The following PCDH11X variants were observed in gnomAD, a reference collection of about 807,000 sequenced individuals.
PCDH11X encodes the protein protocadherin-11 X-linked.
In PCDH11X, 18 loss-of-function variants were observed where a neutral mutation model predicts 53.3. The ratio of observed to expected loss-of-function variants is 0.34; its 90% CI spans 0.23 to 0.50. The LOEUF is 0.50. Among genes scored for constraint, PCDH11X ranks in the 20% least tolerant of loss-of-function variants. PCDH11X has a pLI of 0.98. For synonymous variants in PCDH11X, 279 were observed against 393.3 expected, an observed-to-expected ratio of 0.71 and a Z score of 3.44; for missense variants, 570 against 1,032.4, an observed-to-expected ratio of 0.55 and a Z score of 6.14.
At chrX:92,351,555 AATTAT>A (rs2148526906) in intron 8 of PCDH11X, among the ~76,000 whole-genome samples, 1 of 111,661 alleles carries the variant, frequency 9.0e-6, no homozygotes, top group South Asian at 3.7e-4. Flanking sequence ...GTGTAATAAT[AATTAT>A]ATTATCTTTA....
intron 6 of PCDH11X, among the ~76,000 whole-genome samples, chrX:92,075,288 G>T (rs1354660763): frequency 3.6e-5 from 4 of 110,963 alleles, no homozygotes; most frequent in Non-Finnish European, 5.7e-5. Flanking sequence ...AAGCTCATCT[G>T]AGGCTCTTGA....
At chrX:92,375,327 C>G (rs1483753483) in intron 8 of PCDH11X, among the ~76,000 whole-genome samples, 2 of 97,911 alleles carry the variant, frequency 2.0e-5, no homozygotes, top group East Asian at 3.2e-4. Flanking sequence ...AGGTACCCAC[C>G]ACCAAGCCTG....
intron 6 of PCDH11X, among the ~76,000 whole-genome samples, chrX:92,049,243 G>T (rs1216574458): frequency 9.0e-6 from 1 of 111,503 alleles, no homozygotes; most frequent in Non-Finnish European, 1.9e-5. Context: ...TCCCACAAGA[G>T]ACATTGCAGG....
intron 5 of PCDH11X, among the ~76,000 whole-genome samples, chrX:91,869,103 A>T (rs942014638): frequency 9.0e-6 from 1 of 111,168 alleles, no homozygotes; most frequent in Non-Finnish European, 1.9e-5. Flanking sequence ...TACTCTTAAA[A>T]TTTTAGATGG....
At chrX:91,916,254 T>A (rs1331772493) in intron 6 of PCDH11X, among the ~76,000 whole-genome samples, 1 of 109,976 alleles carries the variant, frequency 9.1e-6, no homozygotes, top group East Asian at 2.9e-4. Context: ...CGATCTAAGG[T>A]TGCACCTCAA....
At chrX:92,503,442 A>C (rs1215877567) in intron 10 of PCDH11X, among the ~76,000 whole-genome samples, 1 of 108,878 alleles carries the variant, frequency 9.2e-6, no homozygotes, top group Admixed American at 9.8e-5. Context: ...TCATTGAAGC[A>C]CTATTTGCAA....
chrX:92,264,880 A>T (rs867371796), intron 8 of PCDH11X, among the ~76,000 whole-genome samples: 5 of 87,758 alleles, frequency 5.7e-5, no homozygotes, highest in South Asian at 6.4e-4. Context: ...GTGAAGGACA[A>T]TTTTTTTTTT....
At chrX:92,273,870 A>C (rs1485105331) in intron 8 of PCDH11X, among the ~76,000 whole-genome samples, 1 of 111,035 alleles carries the variant, frequency 9.0e-6, no homozygotes, top group Non-Finnish European at 1.9e-5. Flanking sequence ...AGAGTGCCTA[A>C]GGAGATTCAG....
At chrX:92,410,987 C>T (rs372683515) in intron 9 of PCDH11X, among the ~76,000 whole-genome samples, 8 of 110,091 alleles carry the variant, frequency 7.3e-5, no homozygotes, top group African/African-American at 2.7e-4. Context: ...GAGAAAAAGG[C>T]TTAATTTAAT....
At position 91,978,159 on chromosome X, in the gene PCDH11X, T is replaced by C. The variant is rs2525319; in HGVS notation, c.3033+98886T>C. ...CTTCTTTTCCACTTTTTGTTAACAT[T>C]CTGCCTCCACAACATACACCAAGAG... On this transcript the variant is annotated intron_variant, in intron 6 of 10. Transcript: ENST00000682573. 6.8e-3 allele frequency among the ~76,000 whole-genome samples: 755 copies of C among 111,223 alleles called. 5 individuals are homozygous for C. Among genetic ancestry groups the C allele is most frequent in the African/African-American group, 0.023 (715 of 30,543 alleles).
At chrX:91,951,526 G>A (rs75977198) in intron 6 of PCDH11X, among the ~76,000 whole-genome samples, 18,600 of 98,068 alleles carry the variant, frequency 0.19, 2,108 homozygotes, top group Admixed American at 0.47. Flanking sequence ...GCCATTCTGT[G>A]TATTAAATTT....
At chrX:92,205,704 G>A (rs1403977144) in intron 7 of PCDH11X, among the ~76,000 whole-genome samples, 1 of 106,126 alleles carries the variant, frequency 9.4e-6, no homozygotes, top group Non-Finnish European at 1.9e-5. Flanking sequence ...ATGTTCAAGC[G>A]ATTCTCCTGC....
intron 6 of PCDH11X, among the ~76,000 whole-genome samples, chrX:92,047,699 C>G (rs1480661861): frequency 9.1e-6 from 1 of 109,438 alleles, no homozygotes; most frequent in African/African-American, 3.3e-5. Flanking sequence ...TCCCCATCTT[C>G]TCATCTTTCA....
At chrX:92,122,525 C>T (rs2064789326) in intron 6 of PCDH11X, among the ~76,000 whole-genome samples, 1 of 111,217 alleles carries the variant, frequency 9.0e-6, no homozygotes, top group Admixed American at 9.7e-5. Context: ...CTAGAAATTC[C>T]TCTACAAAGA....
chrX:92,469,682 C>T (rs754470046), intron 10 of PCDH11X, among the ~76,000 whole-genome samples: 3 of 111,547 alleles, frequency 2.7e-5, no homozygotes, highest in African/African-American at 9.7e-5. Context: ...AATGTATATT[C>T]TTGGAACATT....
chrX:91,818,360 T>A (rs752688964), intron 4 of PCDH11X, among the ~76,000 whole-genome samples: 2 of 105,037 alleles, frequency 1.9e-5, no homozygotes, highest in South Asian at 7.7e-4. Flanking sequence ...TAACCGCAAA[T>A]GCATGAAGAA....
chrX:91,800,625 T>TAGG (rs1222914064), intron 1 of PCDH11X, among the ~76,000 whole-genome samples: 4 of 111,833 alleles, frequency 3.6e-5, no homozygotes, highest in Non-Finnish European at 5.6e-5. Flanking sequence ...TATGTCTAAC[T>TAGG]TAATGTTCAT....
chrX:92,516,037 T>A (rs2074264399), intron 10 of PCDH11X, among the ~76,000 whole-genome samples: 1 of 111,993 alleles, frequency 8.9e-6, no homozygotes, highest in African/African-American at 3.2e-5. Context: ...TTTTTCTGCT[T>A]ATAAGCTTCT....
intron 8 of PCDH11X, among the ~76,000 whole-genome samples, chrX:92,322,581 CAT>C (rs1255209476): frequency 2.7e-5 from 3 of 111,191 alleles, no homozygotes; most frequent in African/African-American, 9.8e-5. Context: ...TCAGTACAAA[CAT>C]ATATGACATA....
Sources: allele counts gnomAD v4.1 joint callset (sites outside exome capture counted in the v4.1 genomes callset), GRCh38; gene constraint gnomAD v4.1.1; transcripts MANE v1.5; gene names NCBI Gene and HGNC (gene_info 2026-07-23, HGNC 2026-07-21).